Variants in DLC1 observed in about 807,000 individuals in gnomAD.
DLC1 encodes DLC1 Rho GTPase activating protein, also known as rho GTPase-activating protein 7.
DLC1 carries 54 observed loss-of-function variants against 140.3 expected under a neutral mutation model. The ratio of observed to expected loss-of-function variants is 0.38; its 90% CI spans 0.31 to 0.48. The LOEUF is 0.48. DLC1 is among the 20% of genes least tolerant of loss of function. DLC1 has a pLI of 0.96. For synonymous variants in DLC1, 986 were observed against 728.1 expected (o/e 1.35, Z -5.70); for missense variants, 2,536 against 1,907.0 (o/e 1.33, Z -6.14).
At chr8:13,180,314 G>T (rs1442684025) in intron 5 of DLC1, among the ~76,000 whole-genome samples, 1 of 152,124 alleles carries the variant, frequency 6.6e-6, no homozygotes, top group African/African-American at 2.4e-5. Flanking sequence ...TTGATCATTA[G>T]CCCTTGAAGG....
intron 5 of DLC1, among the ~76,000 whole-genome samples, chr8:13,212,251 C>T: frequency 6.6e-6 from 1 of 152,164 alleles, no homozygotes; most frequent in Admixed American, 6.5e-5. Flanking sequence ...GCCTTCTCAG[C>T]TTCCAGAATT....
chr8:13,322,738 C>A (rs985313380), intron 4 of DLC1, among the ~76,000 whole-genome samples: 1 of 152,132 alleles, frequency 6.6e-6, no homozygotes, highest in African/African-American at 2.4e-5. Flanking sequence ...AGTAATATTT[C>A]TTTACTGCAT....
At chr8:13,489,550 C>T (rs894811369) in intron 2 of DLC1, among the ~76,000 whole-genome samples, 3 of 148,746 alleles carry the variant, frequency 2.0e-5, no homozygotes, top group Admixed American at 6.8e-5. Flanking sequence ...TTTAATATTT[C>T]TGACAATAGA....
chr8:13,531,727 G>C (rs961950580), intron 1 of DLC1, among the ~76,000 whole-genome samples: 4 of 152,128 alleles, frequency 2.6e-5, no homozygotes, highest in Non-Finnish European at 4.4e-5. Context: ...ATTAAGATGG[G>C]TGCTGAAATC....
intron 5 of DLC1, among the ~76,000 whole-genome samples, chr8:13,223,297 A>T (rs532686768): frequency 7.9e-5 from 12 of 152,222 alleles, no homozygotes; most frequent in South Asian, 6.2e-4. Context: ...CCCCAGCAAC[A>T]TTTTTCAGTT....
intron 5 of DLC1, among the ~76,000 whole-genome samples, chr8:13,136,013 T>A (rs1822538630): frequency 1.3e-5 from 2 of 152,222 alleles, no homozygotes; most frequent in Non-Finnish European, 1.5e-5. Flanking sequence ...TTTGGTCTAT[T>A]GACACAGCCT....
At chr8:13,395,458 A>C (rs1025635228) in intron 3 of DLC1, among the ~76,000 whole-genome samples, 1 of 152,106 alleles carries the variant, frequency 6.6e-6, no homozygotes, top group African/African-American at 2.4e-5. Flanking sequence ...ATTAGAATCT[A>C]TGCATCGCAA....
intron 5 of DLC1, among the ~76,000 whole-genome samples, chr8:13,121,697 T>C (rs1429759362): frequency 1.3e-5 from 2 of 149,714 alleles, no homozygotes; most frequent in Admixed American, 6.6e-5. Flanking sequence ...TACAGGTGTG[T>C]ACCACCATGC....
At chr8:13,153,422 G>A (rs1371554208) in intron 5 of DLC1, among the ~76,000 whole-genome samples, 1 of 152,178 alleles carries the variant, frequency 6.6e-6, no homozygotes, top group African/African-American at 2.4e-5. Context: ...ACGCAGTGTG[G>A]ACCCAAAGAG....
chr8:13,518,299 G>T (rs1802655066), upstream of DLC1, among the ~76,000 whole-genome samples: 9 of 152,092 alleles, frequency 5.9e-5, no homozygotes, highest in Admixed American at 5.2e-4. Context: ...AGTAGAGACA[G>T]GGTTTCATCG....
intron 2 of DLC1, among the ~76,000 whole-genome samples, chr8:13,438,482 C>G (rs1253640333): frequency 6.6e-6 from 1 of 152,154 alleles, no homozygotes; most frequent in African/African-American, 2.4e-5. Flanking sequence ...CGTTACTTCT[C>G]TCACTCAGAA....
At chr8:13,592,478 T>C (rs1206301516) in intron 1 of DLC1, among the ~76,000 whole-genome samples, 1 of 152,138 alleles carries the variant, frequency 6.6e-6, no homozygotes, top group East Asian at 1.9e-4. Flanking sequence ...TACTTTTTGC[T>C]TTACGTGTTC....
intron 5 of DLC1, among the ~76,000 whole-genome samples, chr8:13,171,673 C>A (rs914219970): frequency 6.6e-6 from 1 of 152,178 alleles, no homozygotes; most frequent in African/African-American, 2.4e-5. Flanking sequence ...CAGGTGTGAA[C>A]CACCACGGCC....
chr8:13,391,759 T>C (rs1304523916), intron 4 of DLC1, among the ~76,000 whole-genome samples: 1 of 152,180 alleles, frequency 6.6e-6, no homozygotes, highest in Non-Finnish European at 1.5e-5. Flanking sequence ...AATGTGTATG[T>C]TCCAAGAGAG....
Position 13,132,849 on chromosome 8 carries a change from G to A in DLC1, c.1349-17192C>T, listed in dbSNP as rs1007651481. 6.4e-5 allele frequency: 93 copies of A among 1,455,172 alleles called. No individual in the cohort carries two copies. In the African/African-American group the frequency reaches 1.1e-3, roughly 17 times the overall value. 90.1% of individuals were successfully genotyped at this position (1,455,172 alleles called of 1,614,324 possible). Reference sequence around the variant, plus strand: ...GTTTAAAGAGCACAGAACAGGCACCGACTTGACAAGGCGGGGTGACACTTT... The same window carrying A: ...GTTTAAAGAGCACAGAACAGGCACCAACTTGACAAGGCGGGGTGACACTTT... On this transcript the variant is annotated intron_variant, in intron 5 of 17. Transcript: ENST00000276297.
intron 5 of DLC1, among the ~76,000 whole-genome samples, chr8:13,204,054 G>A (rs139371563): frequency 6.6e-6 from 1 of 152,230 alleles, no homozygotes; most frequent in Admixed American, 6.5e-5. Flanking sequence ...TGTTGTTGGG[G>A]TCGGAGGTGA....
At chr8:13,265,834 C>T (rs1405448486) in intron 5 of DLC1, among the ~76,000 whole-genome samples, 1 of 151,758 alleles carries the variant, frequency 6.6e-6, no homozygotes, top group East Asian at 1.9e-4. Context: ...TAACACTTGG[C>T]TATGATATGC....
At chr8:13,157,533 C>T (rs181965491) in intron 5 of DLC1, among the ~76,000 whole-genome samples, 12 of 152,176 alleles carry the variant, frequency 7.9e-5, no homozygotes, top group South Asian at 2.1e-4. Context: ...TCACCACACA[C>T]CTACTTTTTA....
intron 5 of DLC1, among the ~76,000 whole-genome samples, chr8:13,153,602 T>C (rs1413815780): frequency 1.3e-5 from 2 of 152,174 alleles, no homozygotes; most frequent in African/African-American, 2.4e-5. Context: ...GCTGATTGGT[T>C]TGTTTTGACA....
Sources: allele counts gnomAD v4.1 joint callset (sites outside exome capture counted in the v4.1 genomes callset), GRCh38; gene constraint gnomAD v4.1.1; transcripts MANE v1.5; gene names NCBI Gene and HGNC (gene_info 2026-07-23, HGNC 2026-07-21).